The following SESN1 variants were observed in gnomAD, a reference collection of about 807,000 sequenced individuals.
SESN1 encodes the protein sestrin 1.
Under a neutral mutation model 59.3 loss-of-function variants are expected in SESN1, and 30 were observed. That is an observed-to-expected ratio of 0.51 (90% CI 0.38 to 0.69). The LOEUF is 0.69. Ranked by LOEUF, SESN1 falls within the 30% of genes least tolerant of loss-of-function variation. SESN1 has a pLI of 0.00. For synonymous variants in SESN1, 197 were observed against 219.9 expected (o/e 0.90, Z 0.92); for missense variants, 566 against 673.0 (o/e 0.84, Z 1.76).
chr6:109,000,601 G>A lies in SESN1; in HGVS notation c.619C>T (p.Pro207Ser), dbSNP rs140062020. The A allele has an allele frequency of 1.0e-4, 164 of 1,611,692 alleles. No homozygotes were observed. Among genetic ancestry groups the A allele is most frequent in the Middle Eastern group, 6.6e-4 (4 of 6,060 alleles). ...VNDFLHVGGDPKWLNGLENAP... is the reference protein window; with the variant it reads ...VNDFLHVGGDSKWLNGLENAP... ...TTCTCTAAACCATTGAGCCACTTGG[G>A]GTCCCCACCAACATGAAGGAAATCA... Residue 207 changes from proline (P) to serine (S), a missense_variant, in exon 4 of 10, where the codon CCC becomes TCC. Physicochemically the swap from Pro to Ser is moderately conservative, Grantham distance 74 (BLOSUM62 -1). Coordinates refer to ENST00000436639, the MANE Select transcript of SESN1 (RefSeq NM_014454.3).
chr6:109,017,373 C>T (rs1246850373), intron 1 of SESN1, among the ~76,000 whole-genome samples: 1 of 152,162 alleles, frequency 6.6e-6, no homozygotes, highest in Non-Finnish European at 1.5e-5. Context: ...GCAAGCTCCA[C>T]TGCCCGGGTT....
intron 1 of SESN1, among the ~76,000 whole-genome samples, chr6:109,038,552 G>A (rs970764099): frequency 6.6e-6 from 1 of 152,196 alleles, no homozygotes; most frequent in Non-Finnish European, 1.5e-5. Flanking sequence ...ACAGCACAAT[G>A]AGATGTTGAC....
intron 1 of SESN1, among the ~76,000 whole-genome samples, chr6:109,067,548 C>T (rs1780855745): frequency 6.6e-6 from 1 of 152,204 alleles, no homozygotes. Context: ...ATTCCTATGG[C>T]TATAGCTTTG....
At chr6:109,010,777 C>T (rs1299339098) in intron 1 of SESN1, among the ~76,000 whole-genome samples, 2 of 152,188 alleles carry the variant, frequency 1.3e-5, no homozygotes, top group Non-Finnish European at 2.9e-5. Flanking sequence ...GAAAAGGCTA[C>T]AGAGGCTTCC....
At chr6:109,014,431 G>C (rs534191480) in intron 1 of SESN1, among the ~76,000 whole-genome samples, 37 of 152,276 alleles carry the variant, frequency 2.4e-4, no homozygotes, top group African/African-American at 8.9e-4. Flanking sequence ...GTAAAATTCA[G>C]CCTGGAATTA....
At chr6:109,055,661 CAAAAAAA>C (rs577017689) in intron 1 of SESN1, among the ~76,000 whole-genome samples, 2,352 of 51,306 alleles carry the variant, frequency 0.046, 70 homozygotes, top group African/African-American at 0.12. Flanking sequence ...GACTCCACCT[CAAAAAAA>C]AAAAAAAAAA....
chr6:109,050,823 CT>C (rs1163502696), intron 1 of SESN1, among the ~76,000 whole-genome samples: 1 of 152,180 alleles, frequency 6.6e-6, no homozygotes, highest in African/African-American at 2.4e-5. Context: ...ACTAGCATCC[CT>C]TCCTTTCCAT....
intron 1 of SESN1, among the ~76,000 whole-genome samples, chr6:109,037,963 A>G (rs963912362): frequency 1.3e-5 from 2 of 152,230 alleles, no homozygotes; most frequent in African/African-American, 4.8e-5. Context: ...CCTGAAAAAT[A>G]GAAAAATCAT....
chr6:109,074,403 T>C (rs1361596288), intron 1 of SESN1, among the ~76,000 whole-genome samples: 2 of 152,218 alleles, frequency 1.3e-5, no homozygotes. Context: ...TAAATATTGA[T>C]AATTTGTTTC....
intron 5 of SESN1, among the ~76,000 whole-genome samples, chr6:108,996,690 A>G (rs1357875461): frequency 2.6e-5 from 4 of 152,260 alleles, no homozygotes; most frequent in East Asian, 3.9e-4. Flanking sequence ...TGTGTAAGAA[A>G]ACTCTTTTTT....
Position 108,990,789 on chromosome 6 carries a change from T to C in SESN1, c.1280A>G (p.Tyr427Cys). ...ATCAATCAACTGTCCCACATCTGGA[T>C]AAAGGCGATTTACCAAAGAATAACC... Reference protein sequence around the residue: ...DHGYSLVNRLYPDVGQLIDEK... With the variant: ...DHGYSLVNRLCPDVGQLIDEK... The change falls in exon 8 of 10, where the codon TAT (tyrosine) becomes TGT (cysteine). Residue 427 changes from tyrosine (Y) to cysteine (C), a missense_variant. By Grantham distance (194) the Tyr-to-Cys change is radical (BLOSUM62 -2). Transcript: ENST00000436639. The C allele has an allele frequency of 6.2e-7, 1 of 1,614,104 alleles. No individual in the cohort carries two copies. Among genetic ancestry groups the C allele is most frequent in the Non-Finnish European group, 8.5e-7 (1 of 1,180,016 alleles).
chr6:108,987,721 C>T (rs935095631), intron 9 of SESN1, 91 bp from the exon 10 acceptor site: 8 of 661,350 alleles, frequency 1.2e-5, no homozygotes, highest in African/African-American at 1.1e-4. Flanking sequence ...AAAATAAGTA[C>T]ACTTCCTACA....
chr6:109,047,318 C>A, intron 1 of SESN1, among the ~76,000 whole-genome samples: 1 of 129,276 alleles, frequency 7.7e-6, no homozygotes, highest in Non-Finnish European at 1.7e-5. Context: ...CTCTGCCCGG[C>A]CAGCCGCCCC....
rs1779137911 is a variant in SESN1 at position 108,984,738 on chromosome 6, T to G, written c.*2806A>C. 6.6e-6 allele frequency among the ~76,000 whole-genome samples: 1 copy of G among 152,232 alleles called. No homozygotes were observed. Among genetic ancestry groups the G allele is most frequent in the Non-Finnish European group, 1.5e-5 (1 of 68,042 alleles). ...GTTAGTGTATAGAAATACAACTGAT[T>G]TTTGTGTGCTGACTTTGTATCCTAC... On this transcript the variant is annotated 3_prime_UTR_variant, in exon 10 of 10. Transcript: ENST00000436639.
intron 1 of SESN1, among the ~76,000 whole-genome samples, chr6:109,068,885 T>A (rs912853561): frequency 2.0e-5 from 3 of 152,010 alleles, no homozygotes; most frequent in Non-Finnish European, 2.9e-5. Context: ...CATGCCTAGC[T>A]AATTTTTTGT....
At chr6:109,078,859 C>G (rs902569676) in intron 1 of SESN1, among the ~76,000 whole-genome samples, 1 of 152,016 alleles carries the variant, frequency 6.6e-6, no homozygotes, top group Non-Finnish European at 1.5e-5. Context: ...AAAATAACAA[C>G]CCTGTAATTC....
rs773489599 is a variant in SESN1, at chr6:108,988,682, T to C, written c.1430A>G (p.Asp477Gly). 1.3e-5 allele frequency: 21 copies of C among 1,602,378 alleles called. No homozygotes were observed. The Admixed American group carries it at 3.6e-4, about 27-fold the overall frequency. ...YIHCMFGIRY[D>G]DYDYGEINQL... ...GTTAATTTCACCATAGTCATAATCA[T>C]CATATCTGTTGAAAGACATAATGAG... The change falls in exon 9 of 10, where the codon GAT becomes GGT. Residue 477 changes from aspartate to glycine, a missense_variant. Coordinates refer to ENST00000436639, the MANE Select transcript of SESN1 (RefSeq NM_014454.3).
chr6:109,078,233 T>G (rs989961643), intron 1 of SESN1, among the ~76,000 whole-genome samples: 1 of 152,038 alleles, frequency 6.6e-6, no homozygotes, highest in African/African-American at 2.4e-5. Context: ...AACTTAAAAA[T>G]TGGCTGGGTG....
rs1779197047 is a variant in SESN1, at chr6:108,986,505, A to G, written c.*1039T>C. The G allele has an allele frequency of 6.5e-6, 1 of 152,680 alleles. No homozygotes were observed. Among genetic ancestry groups the G allele is most frequent in the South Asian group, 2.1e-4 (1 of 4,836 alleles). The allele number at this position is 152,680 out of a possible 1,614,324, so 9.5% of individuals were successfully genotyped here. On this transcript the variant is annotated 3_prime_UTR_variant, in exon 10 of 10. Coordinates refer to ENST00000436639, the MANE Select transcript of SESN1 (RefSeq NM_014454.3). ...TACTGACAGACTTCAAAAGCAATTCACGCTTCCAGAATACAAAGTACTTAA... is the reference window on the plus strand; with the variant it reads ...TACTGACAGACTTCAAAAGCAATTCGCGCTTCCAGAATACAAAGTACTTAA...
Sources: gnomAD v4.1 joint callset for allele counts (sites outside exome capture counted in the v4.1 genomes callset) on GRCh38, gnomAD v4.1.1 for gene constraint, MANE v1.5 for transcripts, NCBI Gene and HGNC (gene_info 2026-07-23, HGNC 2026-07-21) for gene names.